The following TFAP2C variants were observed in gnomAD, a reference collection of about 807,000 sequenced individuals.
The protein encoded by TFAP2C is transcription factor AP-2 gamma, also known as activating enhancer-binding protein 2 gamma.
TFAP2C carries 9 observed loss-of-function variants against 42.9 expected under a neutral mutation model. The ratio of observed to expected loss-of-function variants is 0.21; its 90% confidence interval spans 0.13 to 0.37. The LOEUF is 0.37. Ranked by LOEUF, TFAP2C falls within the 10% of genes least tolerant of loss-of-function variation. The pLI is 1.00. For synonymous variants in TFAP2C, 264 were observed against 256.0 expected (o/e 1.03, Z -0.30); for missense variants, 462 against 591.7 (o/e 0.78, Z 2.27).
intron 5 of TFAP2C, among the ~76,000 whole-genome samples, chr20:56,636,215 C>T (rs913968510): frequency 5.3e-5 from 8 of 152,258 alleles, no homozygotes; most frequent in African/African-American, 1.4e-4. Flanking sequence ...TTGCATGCAA[C>T]GTATGACTGG....
At chr20:56,634,017 C>T (rs62208556) in intron 4 of TFAP2C, 133 bp from the exon 5 acceptor site, 87,253 of 677,526 alleles carry the variant, frequency 0.13, 6,471 homozygotes, top group African/African-American at 0.2. Context: ...CATTATGGTT[C>T]ACGTGATGTA....
Position 56,631,249 on chromosome 20 carries a change from C to T in TFAP2C, c.93C>T (p.His31=), listed in dbSNP as rs540558370. The change falls in exon 2 of 7, where the codon CAC becomes CAT. Residue 31 remains histidine (H), a synonymous_variant. Coordinates refer to ENST00000201031, the MANE Select transcript of TFAP2C (RefSeq NM_003222.4). This position sits in a 1 kb window ranked among gnomAD's most constrained non-coding sequence, Gnocchi z 6.1. ...GCAATGGGAATCCGCGGGTCCCCCA[C>T]CTCTCCTCCGCCGGGCAGCACCTCT... is the stretch of plus-strand genomic sequence containing the variant. ...GSSNGNPRVP[H]LSSAGQHLYS... 2.5e-6 allele frequency: 4 copies of T among 1,582,152 alleles called. No homozygotes were observed. Among genetic ancestry groups the T allele is most frequent in the Admixed American group, 3.6e-5 (2 of 55,958 alleles).
chr20:56,637,808 A>G lies in TFAP2C; in HGVS notation c.1148A>G (p.Glu383Gly). The change falls in exon 7 of 7, where the codon GAG becomes GGG. Residue 383 changes from glutamate to glycine, a missense_variant. By Grantham distance (98) the Glu-to-Gly change is moderately conservative. This residue lies in a region of TFAP2C where 130 missense variants were observed against 160.8 expected (regional missense o/e 0.81). Transcript: ENST00000201031. ...HGTSRLAPVL[E>G]TNIQNCLSHF... is the part of the protein sequence containing the mutation. ...ACCAGCAGGCTCGCCCCAGTCTTGG[A>G]GACGAACATACAGAACTGCTTGTCT... 6.2e-7 allele frequency: 1 copy of G among 1,613,946 alleles called. No individual in the cohort carries two copies. The highest frequency in any genetic ancestry group is 8.5e-7 in the Non-Finnish European group (1 of 1,179,828).
intron 3 of TFAP2C, among the ~76,000 whole-genome samples, chr20:56,632,805 A>G (rs1324361199): frequency 6.6e-6 from 1 of 151,754 alleles, no homozygotes. Flanking sequence ...AATAGTTTTC[A>G]GCAGCTGCTA....
chr20:56,634,858 T>C (rs1686333099), intron 5 of TFAP2C, among the ~76,000 whole-genome samples: 1 of 152,202 alleles, frequency 6.6e-6, no homozygotes, highest in African/African-American at 2.4e-5. Context: ...GCATTTCAGT[T>C]TCTTGAATGG....
rs1397876185 is a variant in TFAP2C, at chr20:56,630,621, C to A, written c.49-584C>A. On this transcript the variant is annotated intron_variant, in intron 1 of 6. Coordinates refer to ENST00000201031, the MANE Select transcript of TFAP2C (RefSeq NM_003222.4). This position sits in a 1 kb window ranked among gnomAD's most constrained non-coding sequence, Gnocchi z 5.1. ...CTGTGCGCGCGCTCCCTCTTCACTT[C>A]CCAGGGCGGCGCAGGGTGGCGGGCC... The A allele has an allele frequency of 1.1e-6, 1 of 936,264 alleles. No individual in the cohort carries two copies. The highest frequency in any genetic ancestry group is 1.3e-6 in the Non-Finnish European group (1 of 785,046). The allele number at this position is 936,264 out of a possible 1,614,324, so 58.0% of individuals were successfully genotyped here.
rs971404437 is a variant in TFAP2C at position 56,630,822 on chromosome 20, G to C, written c.49-383G>C. 3 of 985,136 alleles carry C rather than the reference G, an allele frequency of 3.0e-6. No homozygotes were observed. Among genetic ancestry groups the C allele is most frequent in the South Asian group, 9.4e-5 (2 of 21,238 alleles). 61.0% of individuals were successfully genotyped at this position (985,136 alleles called of 1,614,324 possible). A position where few individuals can be genotyped will look rare whatever the true frequency, so the allele number is the denominator to read the frequency against. On this transcript the variant is annotated intron_variant, in intron 1 of 6. Transcript: ENST00000201031. The surrounding 1 kb of genome is among the most constrained non-coding windows in gnomAD (Gnocchi z 5.1). ...GGGCTCCACGAGATAGCTCTGCACC[G>C]GGCGTCCGGCTCCTTCGCCCCGGGC... is the stretch of plus-strand genomic sequence containing the variant.
At chr20:56,637,091 T>C (rs1359597725) in intron 6 of TFAP2C, among the ~76,000 whole-genome samples, 1 of 152,188 alleles carries the variant, frequency 6.6e-6, no homozygotes, top group Non-Finnish European at 1.5e-5. Flanking sequence ...TAAAGAGAGA[T>C]TGTGTGCCTT....
rs1987502064 is a variant in TFAP2C, at chr20:56,631,968, G to A, written c.586+112G>A. 2 of 1,175,122 alleles carry A rather than the reference G, an allele frequency of 1.7e-6. No individual in the cohort carries two copies. The highest frequency in any genetic ancestry group is 3.0e-5 in the African/African-American group (2 of 66,626). 72.8% of individuals were successfully genotyped at this position (1,175,122 alleles called of 1,614,324 possible). ...CAGCGTGGGACATTTGTGGTAGAAG[G>A]GACTGAAAGGGATTCATGGAAGCTA... On this transcript the variant is annotated intron_variant, in intron 3 of 6. Coordinates refer to ENST00000201031, the MANE Select transcript of TFAP2C (RefSeq NM_003222.4). The surrounding 1 kb of genome is among the most constrained non-coding windows in gnomAD (Gnocchi z 6.1).
At chr20:56,636,472 G>A (rs1033889086) in intron 5 of TFAP2C, 138 bp from the exon 6 acceptor site, 4 of 878,346 alleles carry the variant, frequency 4.6e-6, no homozygotes, top group Non-Finnish European at 6.7e-6. Flanking sequence ...GTTGCAGTGA[G>A]CAGAGATCGG....
Position 56,631,915 on chromosome 20 carries a change from A to C in TFAP2C, c.586+59A>C. ...CACACGATCTGGGCTTGTGAAGTTG[A>C]CTGGCAAGGTTGGGGGTATTTGGTG... On this transcript the variant is annotated intron_variant, in intron 3 of 6. Coordinates refer to ENST00000201031, the MANE Select transcript of TFAP2C (RefSeq NM_003222.4). This position sits in a 1 kb window ranked among gnomAD's most constrained non-coding sequence, Gnocchi z 6.1. The C allele has an allele frequency of 6.3e-7, 1 of 1,598,806 alleles. No homozygotes were observed. The highest frequency in any genetic ancestry group is 8.6e-7 in the Non-Finnish European group (1 of 1,166,360).
At chr20:56,633,315 G>A (rs1399496493) in intron 3 of TFAP2C, 38 bp from the exon 4 acceptor site, 2 of 1,544,956 alleles carry the variant, frequency 1.3e-6, no homozygotes, top group Non-Finnish European at 1.8e-6. Context: ...TGCTCAGAGA[G>A]AGCTCTTGTG....
chr20:56,630,265 G>C lies in TFAP2C; in HGVS notation c.48+673G>C, dbSNP rs1220910627. The stretch of plus-strand genomic sequence containing the variant: ...CAGGGGCGCCGGGAGCGCGGAGCTC[G>C]GGCTACGGACTCGCGGGAGTTCACT... On this transcript the variant is annotated intron_variant, in intron 1 of 6. Coordinates refer to ENST00000201031, the MANE Select transcript of TFAP2C (RefSeq NM_003222.4). This position sits in a 1 kb window ranked among gnomAD's most constrained non-coding sequence, Gnocchi z 5.1. 2 of 323,436 alleles carry C rather than the reference G, an allele frequency of 6.2e-6. No homozygotes were observed. The highest frequency in any genetic ancestry group is 4.5e-5 in the African/African-American group (2 of 44,780). The allele number at this position is 323,436 out of a possible 1,614,324, so 20.0% of individuals were successfully genotyped here. A position where few individuals can be genotyped will look rare whatever the true frequency, so the allele number is the denominator to read the frequency against.
In TFAP2C at chr20:56,633,438, C is replaced by T. The variant is rs1300882677; in HGVS notation, c.672C>T (p.Phe224=). 6.2e-7 allele frequency: 1 copy of T among 1,614,114 alleles called. No homozygotes were observed. Among genetic ancestry groups the T allele is most frequent in the Non-Finnish European group, 8.5e-7 (1 of 1,179,992 alleles). The change falls in exon 4 of 7, where the codon TTC becomes TTT. Residue 224 remains phenylalanine, a synonymous_variant. Transcript: ENST00000201031. ...CCGTAATGAACCCCACTGAGGTCTT[C>T]TGCTCAGTCCCTGGAAGATTGTCGC... ...VGAVMNPTEV[F]CSVPGRLSLL...
At chr20:56,633,594 TA>T in intron 4 of TFAP2C, 25 bp downstream of exon 4, 1 of 1,592,106 alleles carries the variant, frequency 6.3e-7, no homozygotes, top group Non-Finnish European at 8.6e-7. Context: ...ATTCTAGGCA[TA>T]GTGGTTGGGT....
At chr20:56,632,895 A>G (rs998767273) in intron 3 of TFAP2C, among the ~76,000 whole-genome samples, 1 of 151,988 alleles carries the variant, frequency 6.6e-6, no homozygotes, top group Middle Eastern at 3.5e-3. Context: ...TGAATTTCAG[A>G]TTAGATTTGT....
chr20:56,638,354 CCA>C lies in TFAP2C; in HGVS notation c.*347_*348del. 4.4e-6 allele frequency: 1 copy of C among 229,372 alleles called. No homozygotes were observed. The allele number at this position is 229,372 out of a possible 1,614,324, so 14.2% of individuals were successfully genotyped here. A position where few individuals can be genotyped will look rare whatever the true frequency, so the allele number is the denominator to read the frequency against. The stretch of plus-strand genomic sequence containing the variant: ...AAATACATTCCCTGGGCCAACAGAC[CCA>C]CACACTTAGCCATTGAAATGTCAAA... On this transcript the variant is annotated 3_prime_UTR_variant, in exon 7 of 7. Transcript: ENST00000201031.
At chr20:56,634,008 A>C (rs1987542276) in intron 4 of TFAP2C, 142 bp from the exon 5 acceptor site, 1 of 665,760 alleles carries the variant, frequency 1.5e-6, no homozygotes, top group Non-Finnish European at 2.7e-6. Flanking sequence ...ATCACTTTTC[A>C]TTATGGTTCA....
In TFAP2C at chr20:56,630,897, C is replaced by T; in HGVS notation, c.49-308C>T. 1 of 985,406 alleles carries T rather than the reference C, an allele frequency of 1.0e-6. No individual in the cohort carries two copies. The highest frequency in any genetic ancestry group is 1.2e-6 in the Non-Finnish European group (1 of 829,924). The allele number at this position is 985,406 out of a possible 1,614,324, so 61.0% of individuals were successfully genotyped here. On this transcript the variant is annotated intron_variant, in intron 1 of 6. Transcript: ENST00000201031. The surrounding 1 kb of genome is among the most constrained non-coding windows in gnomAD (Gnocchi z 5.1). ...GGCCACGGACTTTTCTGGCCCAAGA[C>T]CCAGGGTTCGGACTTGGCGCCTCCA...
Sources: gnomAD v4.1 joint callset for allele counts (sites outside exome capture counted in the v4.1 genomes callset) on GRCh38, gnomAD v4.1.1 for gene constraint, gnomAD v4.1.1 regional missense constraint, Gnocchi (gnomAD v3.1) non-coding constraint, MANE v1.5 for transcripts, NCBI Gene and HGNC (gene_info 2026-07-23, HGNC 2026-07-21) for gene names.